ARPP21: variants seen among roughly 807,000 people sequenced by gnomAD.
The protein encoded by ARPP21 is cAMP regulated phosphoprotein 21.
In ARPP21, 69 loss-of-function variants were observed where a neutral mutation model predicts 113.2. That is an observed-to-expected ratio of 0.61 (90% CI 0.50 to 0.74). The LOEUF (loss-of-function observed/expected upper bound fraction) is 0.74, where lower values mean the gene tolerates loss of function less well. ARPP21 is among the 30% of genes least tolerant of loss of function. ARPP21 has a pLI of 0.00. For synonymous variants in ARPP21, 368 were observed against 375.5 expected (o/e 0.98, Z 0.23); for missense variants, 1,070 against 1,037.4 (o/e 1.03, Z -0.43).
At chr3:35,711,081 G>A (rs367891369) in intron 11 of ARPP21, among the ~76,000 whole-genome samples, 7 of 152,258 alleles carry the variant, frequency 4.6e-5, no homozygotes, top group Middle Eastern at 3.4e-3. Context: ...AAAATGCTGT[G>A]GCTTCTTCTC....
chr3:35,786,565 A>T (rs2096638720), intron 19 of ARPP21, among the ~76,000 whole-genome samples: 2 of 151,960 alleles, frequency 1.3e-5, no homozygotes, highest in South Asian at 4.1e-4. Context: ...GTTTTAGATT[A>T]CATAAATTGG....
intron 1 of ARPP21, among the ~76,000 whole-genome samples, chr3:35,655,491 C>T (rs9878287): frequency 0.032 from 4,897 of 151,854 alleles, 266 homozygotes; most frequent in African/African-American, 0.11. Context: ...GATGAAATGG[C>T]AAGATAGTAA....
chr3:35,688,274 A>C (rs1480037109), intron 6 of ARPP21, among the ~76,000 whole-genome samples: 1 of 151,562 alleles, frequency 6.6e-6, no homozygotes, highest in Non-Finnish European at 1.5e-5. Flanking sequence ...AAAGACAGAG[A>C]GTGGATTAGC....
At chr3:35,641,803 G>A (rs1314487119) in intron 1 of ARPP21, 2 of 152,110 alleles carry the variant, frequency 1.3e-5, no homozygotes, top group Admixed American at 6.5e-5. Flanking sequence ...GTGAGTTTGG[G>A]TATATGCTTT....
At chr3:35,779,713 G>C (rs189004541) in intron 19 of ARPP21, among the ~76,000 whole-genome samples, 27 of 152,170 alleles carry the variant, frequency 1.8e-4, no homozygotes, top group African/African-American at 6.0e-4. Flanking sequence ...TATTCATAAA[G>C]GAGCAAACTC....
At chr3:35,725,652 C>A (rs1039382142) in intron 14 of ARPP21, among the ~76,000 whole-genome samples, 1 of 152,198 alleles carries the variant, frequency 6.6e-6, no homozygotes, top group African/African-American at 2.4e-5. Flanking sequence ...CTGCCCTGTC[C>A]TTTCCTGGCT....
chr3:35,651,128 A>G (rs543821929), intron 1 of ARPP21, among the ~76,000 whole-genome samples: 22 of 152,266 alleles, frequency 1.4e-4, no homozygotes, highest in Admixed American at 9.8e-4. Context: ...ATGGTTCTGT[A>G]GGAAAACCAC....
At chr3:35,777,405 G>T (rs1227118559) in intron 19 of ARPP21, among the ~76,000 whole-genome samples, 1 of 152,306 alleles carries the variant, frequency 6.6e-6, no homozygotes, top group Middle Eastern at 3.4e-3. Flanking sequence ...ACTTCCCAGA[G>T]TCTCACAGAG....
chr3:35,768,079 C>T (rs1410020874), intron 19 of ARPP21, among the ~76,000 whole-genome samples: 1 of 111,814 alleles, frequency 8.9e-6, no homozygotes, highest in East Asian at 3.0e-4. Context: ...CATGCTTTTC[C>T]GTGTGTGTGT....
intron 8 of ARPP21, 22 bp downstream of exon 8, chr3:35,690,162 G>T: frequency 8.3e-7 from 1 of 1,198,156 alleles, no homozygotes; most frequent in Non-Finnish European, 1.2e-6. Flanking sequence ...TTCAATGCTG[G>T]TTAATTTGAT....
intron 18 of ARPP21, among the ~76,000 whole-genome samples, chr3:35,742,089 C>T (rs1030507350): frequency 2.6e-5 from 4 of 152,246 alleles, no homozygotes; most frequent in African/African-American, 9.6e-5. Flanking sequence ...ACCATTAGTC[C>T]TCATCAGAAC....
intron 15 of ARPP21, among the ~76,000 whole-genome samples, chr3:35,736,091 C>T (rs1175220581): frequency 1.3e-5 from 2 of 152,080 alleles, no homozygotes; most frequent in Non-Finnish European, 2.9e-5. Flanking sequence ...GTCTTACTGA[C>T]CAGGGTCATT....
chr3:35,728,789 T>C (rs947699631), intron 14 of ARPP21, among the ~76,000 whole-genome samples: 5 of 152,210 alleles, frequency 3.3e-5, no homozygotes, highest in Non-Finnish European at 7.3e-5. Context: ...AGATTATTTA[T>C]GACTAGGCCC....
intron 1 of ARPP21, among the ~76,000 whole-genome samples, chr3:35,653,611 G>A (rs1194313623): frequency 6.6e-6 from 1 of 151,970 alleles, no homozygotes; most frequent in Admixed American, 6.6e-5. Flanking sequence ...AAGGGGGTAG[G>A]TTTGACATCA....
At chr3:35,726,610 G>T (rs1045984291) in intron 14 of ARPP21, among the ~76,000 whole-genome samples, 1 of 152,114 alleles carries the variant, frequency 6.6e-6, no homozygotes, top group Admixed American at 6.5e-5. Context: ...GGTAAGGGAA[G>T]GGTATAATGT....
At chr3:35,681,599 T>C (rs897561527) in intron 2 of ARPP21, 115 bp from the exon 3 acceptor site, 30 of 609,178 alleles carry the variant, frequency 4.9e-5, no homozygotes, top group Middle Eastern at 9.1e-4. Context: ...CCCTTTTGTA[T>C]AAAATTCTCA....
At chr3:35,648,036 T>G (rs1700912871) in intron 1 of ARPP21, among the ~76,000 whole-genome samples, 1 of 152,156 alleles carries the variant, frequency 6.6e-6, no homozygotes, top group Admixed American at 6.5e-5. Context: ...AAAAAATATT[T>G]TGGTAATTTG....
At chr3:35,748,725 C>G (rs1432650688) in intron 19 of ARPP21, among the ~76,000 whole-genome samples, 1 of 152,148 alleles carries the variant, frequency 6.6e-6, no homozygotes, top group African/African-American at 2.4e-5. Flanking sequence ...AGCTCTCATG[C>G]CATTTTTTTA....
At chr3:35,693,588 G>T (rs1161752130) in intron 9 of ARPP21, among the ~76,000 whole-genome samples, 1 of 151,718 alleles carries the variant, frequency 6.6e-6, no homozygotes, top group African/African-American at 2.4e-5. Context: ...GGAAAATTAT[G>T]TTTGATTTTA....
Sources: gnomAD v4.1 joint callset for allele counts (sites outside exome capture counted in the v4.1 genomes callset) on GRCh38, gnomAD v4.1.1 for gene constraint, MANE v1.5 for transcripts, NCBI Gene and HGNC (gene_info 2026-07-23, HGNC 2026-07-21) for gene names.